Variants in DIAPH3 observed in about 807,000 individuals in gnomAD.
DIAPH3 encodes protein diaphanous homolog 3.
DIAPH3 carries 117 observed loss-of-function variants against 144.3 expected under a neutral mutation model. The observed-to-expected ratio is 0.81, with a 90% CI of 0.70 to 0.95. The LOEUF (loss-of-function observed/expected upper bound fraction) is 0.95. Ranked by LOEUF, DIAPH3 falls within the 40% of genes least tolerant of loss-of-function variation. DIAPH3 has a pLI of 0.00. For synonymous variants in DIAPH3, 519 were observed against 488.9 expected, an observed-to-expected ratio of 1.06 and a Z score of -0.81; for missense variants, 1,421 against 1,412.7, an observed-to-expected ratio of 1.01 and a Z score of -0.09.
chr13:59,666,358 A>C lies in DIAPH3; in HGVS notation c.*226T>G, dbSNP rs1310510417. The C allele has an allele frequency of 1.3e-4, 5 of 37,152 alleles. No homozygotes were observed. The South Asian group carries it at 3.4e-3, about 25-fold the overall frequency. The allele number at this position is 37,152 out of a possible 1,614,324, so 2.3% of individuals were successfully genotyped here. On this transcript the variant is annotated 3_prime_UTR_variant, in exon 28 of 28. Coordinates refer to ENST00000400324, the MANE Select transcript of DIAPH3 (RefSeq NM_001042517.2). ...AAAGAACTGAGGAATACCAGGAGAC[A>C]AAAAAAAAAAAAAAAGGATTAAAGC... is the stretch of plus-strand genomic sequence containing the variant.
chr13:59,996,073 G>C (rs2052171064), intron 9 of DIAPH3, among the ~76,000 whole-genome samples: 1 of 152,014 alleles, frequency 6.6e-6, no homozygotes, highest in Non-Finnish European at 1.5e-5. Flanking sequence ...GTGATCAACT[G>C]TGTCAACTGG....
intron 1 of DIAPH3, among the ~76,000 whole-genome samples, chr13:60,138,818 A>AGAGGGAAGAGGGAAGATGG (rs142938756): frequency 9.5e-6 from 1 of 105,324 alleles, no homozygotes; most frequent in African/African-American, 3.2e-5. Flanking sequence ...GGAAGAGGGA[A>AGAGGGAAGAGGGAAGATGG]GAGGGGAGGG....
intron 4 of DIAPH3, among the ~76,000 whole-genome samples, chr13:60,079,787 C>A (rs1297660828): frequency 6.6e-6 from 1 of 151,810 alleles, no homozygotes; most frequent in Non-Finnish European, 1.5e-5. Context: ...GTTATTTTTT[C>A]TTATACCCAG....
At chr13:60,160,873 C>A (rs1239304781) in intron 1 of DIAPH3, among the ~76,000 whole-genome samples, 1 of 152,250 alleles carries the variant, frequency 6.6e-6, no homozygotes, top group Non-Finnish European at 1.5e-5. Flanking sequence ...ACTATTTATA[C>A]TTATCTATGG....
At chr13:60,058,402 T>C (rs2056637270) in intron 4 of DIAPH3, among the ~76,000 whole-genome samples, 1 of 151,984 alleles carries the variant, frequency 6.6e-6, no homozygotes, top group South Asian at 2.1e-4. Context: ...GATGTTGGCA[T>C]GGATGTGGTG....
chr13:60,016,260 A>C lies in DIAPH3; in HGVS notation c.627-115T>G, dbSNP rs180933369. ...TATTCCTAATCGTAACTAAAACATAAGAATAACACCATATATAAAAATTAT... is the reference window on the plus strand; with the variant it reads ...TATTCCTAATCGTAACTAAAACATACGAATAACACCATATATAAAAATTAT... On this transcript the variant is annotated intron_variant, in intron 5 of 27. Transcript: ENST00000400324. The C allele has an allele frequency of 5.7e-5, 52 of 907,998 alleles. No individual in the cohort carries two copies. In the Admixed American group the frequency reaches 9.2e-4, roughly 16 times the overall value. The allele number at this position is 907,998 out of a possible 1,614,324, so 56.2% of individuals were successfully genotyped here.
chr13:59,974,208 AT>A lies in DIAPH3; in HGVS notation c.1650+143del, dbSNP rs1265569859. The A allele has an allele frequency of 4.1e-5, 28 of 680,190 alleles. No homozygotes were observed. In the Admixed American group the frequency reaches 4.5e-4, roughly 11 times the overall value. 42.1% of individuals were successfully genotyped at this position (680,190 alleles called of 1,614,324 possible). A position where few individuals can be genotyped will look rare whatever the true frequency, so the allele number is the denominator to read the frequency against. Reference sequence around the variant, plus strand: ...ACATATAGAAAAAAATGACAAAAAAATAGCAAAACACAGTACAAATAATGCT... The same window carrying A: ...ACATATAGAAAAAAATGACAAAAAAAAGCAAAACACAGTACAAATAATGCT... On this transcript the variant is annotated intron_variant, in intron 15 of 27. Coordinates refer to ENST00000400324, the MANE Select transcript of DIAPH3 (RefSeq NM_001042517.2).
intron 17 of DIAPH3, among the ~76,000 whole-genome samples, chr13:59,928,475 A>G (rs1026649800): frequency 6.6e-6 from 1 of 152,124 alleles, no homozygotes; most frequent in African/African-American, 2.4e-5. Flanking sequence ...GTGTGTCCCT[A>G]AAGTGATATC....
At chr13:59,710,360 A>G (rs2034673061) in intron 27 of DIAPH3, among the ~76,000 whole-genome samples, 2 of 152,212 alleles carry the variant, frequency 1.3e-5, no homozygotes, top group East Asian at 1.9e-4. Flanking sequence ...CAACAACTTC[A>G]TTTTGATTAT....
intron 14 of DIAPH3, among the ~76,000 whole-genome samples, chr13:59,977,396 G>T (rs1055622356): frequency 8.6e-5 from 13 of 151,872 alleles, no homozygotes; most frequent in African/African-American, 3.1e-4. Flanking sequence ...GATAAAGCCA[G>T]AGATGAACAC....
At chr13:60,123,530 T>C (rs1028578284) in intron 2 of DIAPH3, among the ~76,000 whole-genome samples, 53 of 152,306 alleles carry the variant, frequency 3.5e-4, no homozygotes, top group African/African-American at 1.3e-3. Flanking sequence ...TACTTAAGTA[T>C]TACTACTGAA....
Position 59,980,852 on chromosome 13 carries a change from G to A in DIAPH3, c.1488C>T (p.Cys496=). The change falls in exon 14 of 28, where the codon TGC becomes TGT. Residue 496 remains cysteine (C), a synonymous_variant. Transcript: ENST00000400324. ...DLDLTQFVDI[C]IDQAKLEEFE... ...ACTCTTCTAGTTTTGCTTGATCTAT[G>A]CAAATGTCTAAAATTGCAATGACAG... 1.2e-6 allele frequency: 2 copies of A among 1,608,538 alleles called. No individual in the cohort carries two copies. Among genetic ancestry groups the A allele is most frequent in the South Asian group, 1.1e-5 (1 of 90,920 alleles).
chr13:60,048,031 C>T (rs762989583), intron 4 of DIAPH3, among the ~76,000 whole-genome samples: 3 of 152,212 alleles, frequency 2.0e-5, no homozygotes, highest in Non-Finnish European at 2.9e-5. Flanking sequence ...CCCACCCAGT[C>T]GCACGGGGAC....
intron 20 of DIAPH3, among the ~76,000 whole-genome samples, chr13:59,900,799 T>C (rs1302972549): frequency 2.0e-5 from 3 of 152,174 alleles, no homozygotes; most frequent in Non-Finnish European, 4.4e-5. Context: ...ATGCTTCATA[T>C]GTCCACTAAG....
intron 18 of DIAPH3, among the ~76,000 whole-genome samples, chr13:59,923,797 G>A (rs988332290): frequency 2.0e-5 from 3 of 152,146 alleles, no homozygotes; most frequent in Non-Finnish European, 4.4e-5. Context: ...ATCTTGGCAG[G>A]CCTGCATTGT....
At position 59,966,912 on chromosome 13, in the gene DIAPH3, T is replaced by C. The variant is rs568826890; in HGVS notation, c.2074+3032A>G. Among the ~76,000 whole-genome samples, 157 of 152,068 alleles carry C rather than the reference T, an allele frequency of 1.0e-3. 1 individual carries two copies. The highest frequency in any genetic ancestry group is 2.0e-3 in the Non-Finnish European group (133 of 68,004). On this transcript the variant is annotated intron_variant, in intron 17 of 27. Transcript: ENST00000400324. Reference sequence around the variant, plus strand: ...TCAGTAATTACCATCCTTCCCTACCTAGTTGTGATGAAAATCAGCCAGCAG... The same window carrying C: ...TCAGTAATTACCATCCTTCCCTACCCAGTTGTGATGAAAATCAGCCAGCAG...
chr13:60,101,413 AT>A (rs1052261410), intron 3 of DIAPH3, among the ~76,000 whole-genome samples: 3 of 152,058 alleles, frequency 2.0e-5, no homozygotes, highest in African/African-American at 7.2e-5. Flanking sequence ...ATCACCCACA[AT>A]GGCCCTAAAG....
rs762306571 is a variant in DIAPH3 at position 59,983,863 on chromosome 13, A to G, written c.1386T>C (p.Asp462=). 8 of 1,607,878 alleles carry G rather than the reference A, an allele frequency of 5.0e-6. No individual in the cohort carries two copies. The highest frequency in any genetic ancestry group is 2.7e-5 in the African/African-American group (2 of 74,640). ...FIRQQYFKLI[D]ECVSQIVLHR... ...GCAATACAATCTGGGATACACACTC[A>G]TCAATTAATTTGAAGTATTGTTGCC... Residue 462 remains aspartate, a synonymous_variant, in exon 13 of 28, where the codon GAT becomes GAC. Transcript: ENST00000400324.
intron 5 of DIAPH3, among the ~76,000 whole-genome samples, chr13:60,039,271 G>A (rs2055457209): frequency 6.6e-6 from 1 of 151,262 alleles, no homozygotes; most frequent in African/African-American, 2.4e-5. Context: ...GAGCTAATTG[G>A]GAGTACAGAG....
Sources: gnomAD v4.1 joint callset for allele counts (sites outside exome capture counted in the v4.1 genomes callset) on GRCh38, gnomAD v4.1.1 for gene constraint, MANE v1.5 for transcripts, NCBI Gene and HGNC (gene_info 2026-07-23, HGNC 2026-07-21) for gene names.